Variants in TRPM5 observed in about 807,000 individuals in gnomAD.
TRPM5 encodes the protein transient receptor potential cation channel subfamily M member 5.
In TRPM5, 121 loss-of-function variants were observed where a neutral mutation model predicts 124.9. The observed-to-expected ratio is 0.97, with a 90% CI of 0.84 to 1.13. The LOEUF is 1.13. Among genes scored for constraint, TRPM5 ranks in the 50% most tolerant of loss-of-function variants. The pLI is 0.00. For missense variants in TRPM5, 1,643 were observed against 1,589.1 expected, an observed-to-expected ratio of 1.03 and a Z score of -0.58; for synonymous variants, 781 against 700.5, an observed-to-expected ratio of 1.11 and a Z score of -1.81.
intron 18 of TRPM5, 94 bp from the exon 24 acceptor site, chr11:2,408,006 T>G: frequency 6.7e-7 from 1 of 1,497,790 alleles, no homozygotes; most frequent in South Asian, 1.3e-5. Flanking sequence ...AGTCCTGGTG[T>G]TGAACCCAGG....
intron 2 of TRPM5, 139 bp from the exon 8 acceptor site, chr11:2,421,337 G>C: frequency 1.8e-6 from 2 of 1,127,666 alleles, no homozygotes; most frequent in Non-Finnish European, 2.4e-6. Context: ...CCTCACGGTG[G>C]GGTGGGGAAG....
chr11:2,404,717 G>A, exon 24 of TRPM5: 1 of 546,192 alleles, frequency 1.8e-6, no homozygotes, highest in Non-Finnish European at 3.3e-6. Flanking sequence ...CCTGTCAGGG[G>A]AGACAGCCCC....
exon 21 of TRPM5, chr11:2,406,791 T>G (rs1850332271): frequency 1.2e-6 from 2 of 1,610,280 alleles, no homozygotes; most frequent in African/African-American, 1.3e-5. Context: ...GGCAGGTCTC[T>G]CTCTGGGAAA....
At chr11:2,423,015 G>A (rs759723253) in exon 1 of TRPM5, 13 of 1,611,956 alleles carry the variant, frequency 8.1e-6, no homozygotes, top group Middle Eastern at 3.3e-4. Context: ...CTTCCGGGAC[G>A]GGGGCCTTGG....
chr11:2,409,764 G>A (rs748369752), intron 18 of TRPM5, among the ~76,000 whole-genome samples: 16 of 152,322 alleles, frequency 1.1e-4, no homozygotes, highest in Non-Finnish European at 1.9e-4. Flanking sequence ...TGACAAGTCT[G>A]AGACTCTCAG....
At chr11:2,414,009 G>GGGGGGGGGCCCCCCCCCCCCC in intron 12 of TRPM5, 52 bp downstream of exon 17, 1 of 1,023,730 alleles carries the variant, frequency 9.8e-7, no homozygotes, top group Non-Finnish European at 1.4e-6. Context: ...GGCCCAGCTC[G>GGGGGGGGGCCCCCCCCCCCCC]CCCGCCCACC....
chr11:2,405,570 C>G (rs1468139724), exon 23 of TRPM5: 1 of 1,565,890 alleles, frequency 6.4e-7, no homozygotes, highest in Admixed American at 1.9e-5. Flanking sequence ...CCACGGAGGA[C>G]ACGAGCACCG....
At chr11:2,414,715 C>T (rs776542720) in exon 11 of TRPM5, 79 of 1,536,040 alleles carry the variant, frequency 5.1e-5, no homozygotes, top group Admixed American at 2.0e-4. Context: ...GGTCACTCAC[C>T]AAGGGCCAGC....
chr11:2,415,256 G>GGTGC lies in TRPM5; in HGVS notation c.1340_1343dup (p.Gln449HisfsTer135). On this transcript the variant is annotated frameshift_variant, in exon 9 of 24. Coordinates refer to ENST00000155858, the Ensembl canonical transcript of TRPM5. LOFTEE classifies it high-confidence loss of function. ...CCGCGGGTGGCTCCCGGGCCTGCTGGGTGCCCAGGCCGGCCAGCGTCAGCC... is the reference window on the plus strand; with the variant it reads ...CCGCGGGTGGCTCCCGGGCCTGCTGGGTGCGTGCCCAGGCCGGCCAGCGTCAGCC... 1.3e-6 allele frequency: 2 copies of GGTGC among 1,571,446 alleles called. No homozygotes were observed. Among genetic ancestry groups the GGTGC allele is most frequent in the Non-Finnish European group, 1.7e-6 (2 of 1,162,894 alleles).
At chr11:2,407,188 G>A in exon 20 of TRPM5, 1 of 1,611,420 alleles carries the variant, frequency 6.2e-7, no homozygotes, top group Non-Finnish European at 8.5e-7. Context: ...AGGTGGCTGA[G>A]CAGGATGAAG....
At chr11:2,414,014 C>G in intron 12 of TRPM5, 47 bp downstream of exon 17, 4 of 533,200 alleles carry the variant, frequency 7.5e-6, no homozygotes, top group Admixed American at 2.5e-5. Flanking sequence ...AGCTCGCCCG[C>G]CCACCCCACC....
chr11:2,404,120 C>T (rs1850264738), downstream of TRPM5, among the ~76,000 whole-genome samples: 1 of 152,296 alleles, frequency 6.6e-6, no homozygotes, highest in Admixed American at 6.5e-5. Context: ...TGCCCTCCCC[C>T]AACCAAAGCC....
chr11:2,418,706 T>C (rs1016706579), intron 4 of TRPM5, 115 bp from the exon 10 acceptor site: 14 of 1,096,940 alleles, frequency 1.3e-5, no homozygotes, highest in Non-Finnish European at 1.7e-5. Flanking sequence ...CCGAATAAAG[T>C]GTGGGCTTCG....
chr11:2,427,228 T>C (rs1262409584), upstream of TRPM5, among the ~76,000 whole-genome samples: 1 of 152,188 alleles, frequency 6.6e-6, no homozygotes, highest in East Asian at 1.9e-4. Context: ...TCCCCACTCC[T>C]CTCATGCCCA....
chr11:2,416,224 C>T (rs1197840985), intron 7 of TRPM5, among the ~76,000 whole-genome samples, 200 bp from the exon 13 acceptor site: 2 of 152,242 alleles, frequency 1.3e-5, no homozygotes, highest in Non-Finnish European at 2.9e-5. Context: ...AAGCGTGCTG[C>T]CCTGGTCTGC....
upstream of TRPM5, among the ~76,000 whole-genome samples, chr11:2,425,762 G>A (rs150487912): frequency 9.9e-5 from 15 of 152,146 alleles, no homozygotes; most frequent in Admixed American, 7.9e-4. Flanking sequence ...ATGGCCAGGC[G>A]TGTCCCCAGC....
chr11:2,419,085 CCT>C (rs1312552307), intron 4 of TRPM5, among the ~76,000 whole-genome samples: 4 of 152,104 alleles, frequency 2.6e-5, no homozygotes, highest in Non-Finnish European at 4.4e-5. Flanking sequence ...TGGACCTGCC[CCT>C]GTCTTCTGTG....
chr11:2,404,833 G>GGTGCCCCCTGGGGGGTTC, exon 24 of TRPM5: 1 of 898,180 alleles, frequency 1.1e-6, no homozygotes, highest in Non-Finnish European at 1.7e-6. Context: ...CTGGGGGGCT[G>GGTGCCCCCTGGGGGGTTC]GTGCCCCCTG....
chr11:2,420,801 C>T (rs73417511), intron 3 of TRPM5, among the ~76,000 whole-genome samples: 2,115 of 152,278 alleles, frequency 0.014, 52 homozygotes, highest in African/African-American at 0.045. Flanking sequence ...GGAAAGGGCT[C>T]GGGGCCTGGG....
Sources: allele counts gnomAD v4.1 joint callset (sites outside exome capture counted in the v4.1 genomes callset), GRCh38; gene constraint gnomAD v4.1.1; transcripts MANE v1.5; gene names NCBI Gene and HGNC (gene_info 2026-07-23, HGNC 2026-07-21).